FAM110B: variants seen among roughly 807,000 people sequenced by gnomAD.
FAM110B encodes family with sequence similarity 110 member B.
FAM110B carries 6 observed loss-of-function variants against 20.4 expected under a neutral mutation model. The ratio of observed to expected loss-of-function variants is 0.29; its 90% CI spans 0.16 to 0.58. The LOEUF is 0.58. FAM110B is among the 20% of genes least tolerant of loss of function. FAM110B has a pLI of 0.90. For missense variants in FAM110B, 434 were observed against 498.2 expected (o/e 0.87, Z 1.23); for synonymous variants, 226 against 214.1 (o/e 1.06, Z -0.49).
intron 3 of FAM110B, among the ~76,000 whole-genome samples, chr8:58,104,537 A>G (rs900347924): frequency 1.3e-5 from 2 of 152,186 alleles, no homozygotes; most frequent in African/African-American, 4.8e-5. Context: ...TAAAAAGTTG[A>G]CCTGTAGTAA....
intron 3 of FAM110B, among the ~76,000 whole-genome samples, chr8:58,134,046 A>G (rs537723193): frequency 1.3e-5 from 2 of 152,348 alleles, no homozygotes; most frequent in South Asian, 2.1e-4. Context: ...GCTGCAATAA[A>G]TAGGTGTCTA....
chr8:58,101,958 A>G (rs1806789480), intron 3 of FAM110B, among the ~76,000 whole-genome samples: 2 of 152,230 alleles, frequency 1.3e-5, no homozygotes, highest in Non-Finnish European at 2.9e-5. Flanking sequence ...GCACTTGCCA[A>G]CTTGTATTTC....
At chr8:58,059,582 T>C (rs978289923) in intron 2 of FAM110B, among the ~76,000 whole-genome samples, 1 of 152,064 alleles carries the variant, frequency 6.6e-6, no homozygotes, top group Non-Finnish European at 1.5e-5. Flanking sequence ...TTTTGCCCCC[T>C]TTTTAAGTTG....
intron 3 of FAM110B, among the ~76,000 whole-genome samples, chr8:58,131,208 A>T (rs1803454889): frequency 6.6e-6 from 1 of 152,176 alleles, no homozygotes; most frequent in Non-Finnish European, 1.5e-5. Flanking sequence ...TGTTCTCAGC[A>T]TTAGTGTAAA....
rs566477574 is a variant in FAM110B at position 58,127,198 on chromosome 8, A to G, written c.-324-18709A>G. ...AATTGCTTTTGCACCTTTGTCAAAA[A>G]TCAGTTGGCTTAACTTGTGTGGGGC... is the stretch of plus-strand genomic sequence containing the variant. On this transcript the variant is annotated intron_variant, in intron 3 of 3. Coordinates refer to ENST00000519262, the MANE Select transcript of FAM110B (RefSeq NM_001377989.1). Among the ~76,000 whole-genome samples, 173 of 152,340 alleles carry G rather than the reference A, an allele frequency of 1.1e-3. 1 individual carries two copies. Among genetic ancestry groups the G allele is most frequent in the African/African-American group, 4.1e-3 (171 of 41,588 alleles).
intron 2 of FAM110B, among the ~76,000 whole-genome samples, chr8:58,035,904 C>T (rs902747873): frequency 7.2e-5 from 11 of 152,098 alleles, no homozygotes; most frequent in African/African-American, 2.7e-4. Context: ...CCCTCCTTAT[C>T]TTACCATCCC....
chr8:58,062,797 A>T (rs1805684623), intron 2 of FAM110B, among the ~76,000 whole-genome samples: 1 of 152,204 alleles, frequency 6.6e-6, no homozygotes, highest in Admixed American at 6.5e-5. Flanking sequence ...ACTTAAACTT[A>T]TTGGCTGCTT....
At chr8:58,037,483 T>A (rs57650783) in intron 2 of FAM110B, among the ~76,000 whole-genome samples, 29,217 of 150,736 alleles carry the variant, frequency 0.19, 4,023 homozygotes, top group African/African-American at 0.39. Context: ...AAAAAAAAAA[T>A]TAAAAATTAT....
Position 58,104,002 on chromosome 8 carries a change from A to G in FAM110B, c.-325+28379A>G, listed in dbSNP as rs528065653. 4.6e-5 allele frequency among the ~76,000 whole-genome samples: 7 copies of G among 152,300 alleles called. No individual in the cohort carries two copies. In the South Asian group the frequency reaches 1.2e-3, roughly 27 times the overall value. On this transcript the variant is annotated intron_variant, in intron 3 of 3. Transcript: ENST00000519262. ...GGCTTACCTATTATGTATGTTATGT[A>G]TTTGCCAAATGAGTGAATAAAAGAC...
At chr8:58,127,984 GT>G (rs1214243323) in intron 3 of FAM110B, among the ~76,000 whole-genome samples, 1 of 152,180 alleles carries the variant, frequency 6.6e-6, no homozygotes, top group African/African-American at 2.4e-5. Flanking sequence ...ATTTGCATGT[GT>G]TTGGATGGAT....
chr8:58,095,761 G>T (rs182985152), intron 3 of FAM110B, among the ~76,000 whole-genome samples: 2 of 152,224 alleles, frequency 1.3e-5, no homozygotes, highest in Admixed American at 1.3e-4. Flanking sequence ...AGGTCTGCTT[G>T]GTCCAGAGCT....
At chr8:58,071,690 T>G (rs1408567031) in intron 2 of FAM110B, among the ~76,000 whole-genome samples, 1 of 152,090 alleles carries the variant, frequency 6.6e-6, no homozygotes, top group Non-Finnish European at 1.5e-5. Context: ...CCAAATAACA[T>G]TTTTAAGGGG....
At chr8:58,023,976 C>G (rs907397782) in intron 1 of FAM110B, among the ~76,000 whole-genome samples, 22 of 152,228 alleles carry the variant, frequency 1.4e-4, no homozygotes, top group Admixed American at 3.3e-4. Flanking sequence ...TATATTTATC[C>G]TTAAAAAGAT....
chr8:58,080,122 G>A (rs542646561), intron 3 of FAM110B, among the ~76,000 whole-genome samples: 1 of 152,284 alleles, frequency 6.6e-6, no homozygotes, highest in Non-Finnish European at 1.5e-5. Context: ...GCAACCATGT[G>A]GTTAGACATA....
At chr8:58,070,798 G>C (rs1585860140) in intron 2 of FAM110B, among the ~76,000 whole-genome samples, 1 of 152,202 alleles carries the variant, frequency 6.6e-6, no homozygotes, top group East Asian at 1.9e-4. Context: ...ACAGGGCAGT[G>C]ACTTTCCTGA....
At chr8:58,110,118 G>A (rs1231537789) in intron 3 of FAM110B, among the ~76,000 whole-genome samples, 1 of 152,068 alleles carries the variant, frequency 6.6e-6, no homozygotes, top group African/African-American at 2.4e-5. Context: ...GACCTAGTGG[G>A]GATTAAGCAT....
chr8:58,031,840 C>G (rs1804968021), intron 2 of FAM110B, 137 bp downstream of exon 2: 1 of 151,958 alleles, frequency 6.6e-6, no homozygotes, highest in Non-Finnish European at 1.5e-5. Context: ...ACTTTCCCTT[C>G]CCTCCTTCCT....
chr8:58,121,972 T>C (rs2150627656), intron 3 of FAM110B, among the ~76,000 whole-genome samples: 1 of 152,290 alleles, frequency 6.6e-6, no homozygotes, highest in African/African-American at 2.4e-5. Flanking sequence ...TCTTTCTTTG[T>C]AGGTTTATTC....
At chr8:58,141,565 A>G (rs1585920868) in intron 3 of FAM110B, among the ~76,000 whole-genome samples, 1 of 152,228 alleles carries the variant, frequency 6.6e-6, no homozygotes, top group South Asian at 2.1e-4. Context: ...GGTTGTGTTC[A>G]GTTCCCAGGG....
Sources: allele counts gnomAD v4.1 joint callset (sites outside exome capture counted in the v4.1 genomes callset), GRCh38; gene constraint gnomAD v4.1.1; transcripts MANE v1.5; gene names NCBI Gene and HGNC (gene_info 2026-07-23, HGNC 2026-07-21).